Variants in PCMT1 observed in about 807,000 individuals in gnomAD.
The protein encoded by PCMT1 is protein-L-isoaspartate(D-aspartate) O-methyltransferase.
A neutral mutation model predicts 29.2 loss-of-function variants in PCMT1; 9 were observed. That is an observed-to-expected ratio of 0.31 (90% confidence interval 0.19 to 0.54). The LOEUF (loss-of-function observed/expected upper bound fraction) is 0.54. Among genes scored for constraint, PCMT1 ranks in the 20% least tolerant of loss-of-function variants. PCMT1 has a pLI of 0.95. For missense variants in PCMT1, 184 were observed against 282.2 expected (o/e 0.65, Z 2.49); for synonymous variants, 98 against 97.5 (o/e 1.00, Z -0.03).
chr6:149,793,761 G>T, intron 5 of PCMT1, 92 bp downstream of exon 5: 6 of 1,122,072 alleles, frequency 5.3e-6, no homozygotes, highest in Non-Finnish European at 7.1e-6. Context: ...GGTAATTATT[G>T]TATTTTTTTT....
chr6:149,791,065 G>A (rs3805750), intron 4 of PCMT1, among the ~76,000 whole-genome samples: 79,889 of 151,548 alleles, frequency 0.53, 23,983 homozygotes, highest in East Asian at 0.83. Context: ...GCTTAGCCCC[G>A]ACAACTCAGA....
intron 3 of PCMT1, among the ~76,000 whole-genome samples, chr6:149,775,610 A>C (rs1787531031): frequency 6.6e-6 from 1 of 152,126 alleles, no homozygotes; most frequent in Admixed American, 6.6e-5. Context: ...AGGGAGGCCA[A>C]GGCAGAAGGA....
intron 7 of PCMT1, among the ~76,000 whole-genome samples, chr6:149,810,287 A>T (rs1004624532): frequency 1.3e-5 from 2 of 152,166 alleles, no homozygotes; most frequent in Non-Finnish European, 2.9e-5. Context: ...TTAAGTTGTC[A>T]TTTTACTATA....
At chr6:149,802,450 C>T in intron 7 of PCMT1, 34 bp downstream of exon 7, 1 of 1,455,954 alleles carries the variant, frequency 6.9e-7, no homozygotes, top group East Asian at 2.4e-5. Context: ...CATTAGACTA[C>T]AAGAGCTGTT....
intron 1 of PCMT1, among the ~76,000 whole-genome samples, chr6:149,764,223 T>C (rs565047973): frequency 2.6e-5 from 4 of 152,188 alleles, no homozygotes; most frequent in Non-Finnish European, 5.9e-5. Context: ...CATAGAAATC[T>C]AACATCTTAA....
intron 4 of PCMT1, among the ~76,000 whole-genome samples, chr6:149,792,426 T>A (rs979759569): frequency 2.0e-5 from 3 of 152,238 alleles, no homozygotes; most frequent in Non-Finnish European, 4.4e-5. Context: ...GTTAATTTTT[T>A]AAATTTTTAT....
intron 7 of PCMT1, among the ~76,000 whole-genome samples, chr6:149,806,065 G>A (rs1391846920): frequency 6.6e-6 from 1 of 151,368 alleles, no homozygotes; most frequent in African/African-American, 2.4e-5. Context: ...TTGGCCATTT[G>A]TTCAGTTGCT....
At chr6:149,805,071 G>A (rs1421513841) in intron 7 of PCMT1, among the ~76,000 whole-genome samples, 1 of 151,936 alleles carries the variant, frequency 6.6e-6, no homozygotes, top group African/African-American at 2.4e-5. Context: ...GTGAGACCTC[G>A]TATCTACTAA....
At chr6:149,769,806 G>A (rs1243294482) in intron 1 of PCMT1, among the ~76,000 whole-genome samples, 13 of 141,366 alleles carry the variant, frequency 9.2e-5, no homozygotes, top group Admixed American at 2.2e-4. Flanking sequence ...TGTGGAGACA[G>A]GGCCTATGTT....
At chr6:149,803,797 GA>G (rs35832236) in intron 7 of PCMT1, among the ~76,000 whole-genome samples, 55,360 of 109,828 alleles carry the variant, frequency 0.5, 13,011 homozygotes, top group East Asian at 0.77. Context: ...ACAGCCACTG[GA>G]AAAAAAAAAA....
chr6:149,766,876 A>G (rs935408340), intron 1 of PCMT1, among the ~76,000 whole-genome samples: 2 of 152,174 alleles, frequency 1.3e-5, no homozygotes, highest in African/African-American at 4.8e-5. Flanking sequence ...GGAATCATGT[A>G]GTCTCCTCAC....
rs1208783069 is a variant in PCMT1, at chr6:149,789,992, T to G, written c.231T>G (p.His77Gln). The change falls in exon 4 of 8, where the codon CAT becomes CAG. Residue 77 changes from histidine to glutamine, a missense_variant. His to Gln is a conservative substitution (Grantham distance 24). Transcript: ENST00000464889. ...TAGAACTTCTATTTGATCAGTTGCA[T>G]GAAGGAGCTAAAGCTCTTGATGTAG... ...YALELLFDQL[H>Q]EGAKALDVGS... The G allele has an allele frequency of 6.2e-7, 1 of 1,610,926 alleles. No homozygotes were observed. Among genetic ancestry groups the G allele is most frequent in the Non-Finnish European group, 8.5e-7 (1 of 1,179,146 alleles).
At chr6:149,771,902 G>C in intron 2 of PCMT1, 1 of 445,590 alleles carries the variant, frequency 2.2e-6, no homozygotes, top group South Asian at 1.6e-5. Context: ...CTAAAGATTA[G>C]TTTTCAGGTT....
At chr6:149,765,663 TA>T (rs1421345290) in intron 1 of PCMT1, 4 of 375,790 alleles carry the variant, frequency 1.1e-5, no homozygotes, top group Non-Finnish European at 2.1e-5. Flanking sequence ...TTTTATTTTT[TA>T]TTTTTTATTT....
chr6:149,759,046 T>G (rs1488015888), intron 1 of PCMT1, among the ~76,000 whole-genome samples: 2 of 152,134 alleles, frequency 1.3e-5, no homozygotes, highest in Non-Finnish European at 2.9e-5. Context: ...CCAGCTAGTT[T>G]TTGTATTTTT....
intron 1 of PCMT1, among the ~76,000 whole-genome samples, chr6:149,768,126 C>G (rs1787167355): frequency 6.6e-6 from 1 of 151,512 alleles, no homozygotes; most frequent in South Asian, 2.1e-4. Context: ...GGGCCTTACT[C>G]TGTTGCCCAG....
At chr6:149,793,796 A>C (rs1041867302) in intron 5 of PCMT1, 127 bp downstream of exon 5, 2 of 774,338 alleles carry the variant, frequency 2.6e-6, no homozygotes, top group African/African-American at 1.8e-5. Flanking sequence ...AGTACTAAAA[A>C]ATAAAAACGA....
chr6:149,810,545 T>G, intron 7 of PCMT1, 71 bp from the exon 8 acceptor site: 1 of 1,133,624 alleles, frequency 8.8e-7, no homozygotes, highest in Non-Finnish European at 1.3e-6. Context: ...TAGTTGTGTC[T>G]AAACTATTAT....
intron 7 of PCMT1, among the ~76,000 whole-genome samples, chr6:149,807,883 A>G (rs377709964): frequency 6.6e-6 from 1 of 152,174 alleles, no homozygotes; most frequent in African/African-American, 2.4e-5. Flanking sequence ...CCCGTGTTCC[A>G]TATTCTATAT....
Sources: allele counts gnomAD v4.1 joint callset (sites outside exome capture counted in the v4.1 genomes callset), GRCh38; gene constraint gnomAD v4.1.1; transcripts MANE v1.5; gene names NCBI Gene and HGNC (gene_info 2026-07-23, HGNC 2026-07-21).